Variants in AAGAB observed in about 807,000 individuals in gnomAD.
AAGAB encodes alpha- and gamma-adaptin-binding protein p34.
In AAGAB, 38 loss-of-function variants were observed where a neutral mutation model predicts 44.1. The ratio of observed to expected loss-of-function variants is 0.86; its 90% CI spans 0.67 to 1.13. AAGAB has a LOEUF of 1.13. Among genes scored for constraint, AAGAB ranks in the 50% most tolerant of loss-of-function variants. The pLI, the probability that AAGAB is intolerant of heterozygous loss-of-function variation, is 0.00. For missense variants in AAGAB, 450 were observed against 373.8 expected (o/e 1.20, Z -1.68); for synonymous variants, 131 against 131.8 (o/e 0.99, Z 0.04).
intron 1 of AAGAB, among the ~76,000 whole-genome samples, chr15:67,250,735 T>C (rs1964844699): frequency 6.6e-6 from 1 of 152,112 alleles, no homozygotes; most frequent in Admixed American, 6.5e-5. Context: ...CTTTAAAAAA[T>C]CTACCCTGTC....
At chr15:67,209,251 C>T (rs1056319038) in intron 6 of AAGAB, among the ~76,000 whole-genome samples, 3 of 152,186 alleles carry the variant, frequency 2.0e-5, no homozygotes, top group African/African-American at 7.2e-5. Flanking sequence ...TTTTAGAAAG[C>T]ACCCTAGTAA....
At chr15:67,229,473 C>A (rs1202583525) in intron 5 of AAGAB, among the ~76,000 whole-genome samples, 6 of 149,072 alleles carry the variant, frequency 4.0e-5, no homozygotes, top group Admixed American at 6.7e-5. Context: ...AAAAAAAAAC[C>A]CAAAAAAACT....
intron 1 of AAGAB, among the ~76,000 whole-genome samples, chr15:67,252,451 T>A (rs186826732): frequency 3.9e-5 from 6 of 152,316 alleles, no homozygotes; most frequent in East Asian, 1.9e-4. Flanking sequence ...ATTTAAAAAA[T>A]TTTTAAAAAC....
intron 3 of AAGAB, among the ~76,000 whole-genome samples, 160 bp from the exon 4 acceptor site, chr15:67,236,228 T>C (rs1272163466): frequency 6.6e-6 from 1 of 152,146 alleles, no homozygotes; most frequent in African/African-American, 2.4e-5. Context: ...AGCCCCGAAG[T>C]ATCCATTCTT....
At chr15:67,235,049 C>T (rs571626844) in intron 4 of AAGAB, among the ~76,000 whole-genome samples, 107 of 152,264 alleles carry the variant, frequency 7.0e-4, no homozygotes, top group African/African-American at 2.6e-3. Flanking sequence ...TATCTATGTA[C>T]TTTAATTCAC....
chr15:67,203,450 C>G (rs1318975539), intron 9 of AAGAB, 98 bp downstream of exon 9: 2 of 1,051,556 alleles, frequency 1.9e-6, no homozygotes, highest in East Asian at 2.6e-5. Context: ...AAAGCTCACA[C>G]TAAGACCCTT....
At chr15:67,237,925 T>C (rs968654622) in intron 1 of AAGAB, among the ~76,000 whole-genome samples, 4 of 152,228 alleles carry the variant, frequency 2.6e-5, no homozygotes, top group African/African-American at 9.6e-5. Context: ...ATTTGAAAAG[T>C]TGCCATCATT....
At chr15:67,228,474 C>T (rs890640006) in intron 5 of AAGAB, among the ~76,000 whole-genome samples, 2 of 152,150 alleles carry the variant, frequency 1.3e-5, no homozygotes, top group Admixed American at 6.5e-5. Flanking sequence ...CAGAAAATAA[C>T]GGATGTTGGT....
chr15:67,226,851 T>G, intron 5 of AAGAB: 1 of 198,278 alleles, frequency 5.0e-6, no homozygotes, highest in Non-Finnish European at 1.1e-5. Context: ...CCAATTTATC[T>G]GGGTGGAGGG....
intron 5 of AAGAB, among the ~76,000 whole-genome samples, chr15:67,219,606 A>G (rs1236646947): frequency 4.6e-5 from 7 of 152,154 alleles, no homozygotes; most frequent in Non-Finnish European, 1.0e-4. Context: ...GGAGCTAAAC[A>G]CTGAGTGCAC....
chr15:67,251,215 CGTGTGTGT>C (rs759231047), intron 1 of AAGAB, among the ~76,000 whole-genome samples: 3 of 143,538 alleles, frequency 2.1e-5, no homozygotes, highest in African/African-American at 7.5e-5. Context: ...ATTTTAAGTG[CGTGTGTGT>C]GTGTGTGTGT....
At position 67,236,737 on chromosome 15, in the gene AAGAB, AT is replaced by A. The variant is rs1964478494; in HGVS notation, c.156del (p.Lys52AsnfsTer58). On this transcript the variant is annotated frameshift_variant, in exon 2 of 10. Transcript: ENST00000261880. LOFTEE classifies it high-confidence loss of function. ...VRFYPWTIDN[K>X]YYSADINLCV... ...CATAGATTGATGTCTGCTGAATAGTATTTATTATCAATGGTCCAGGGATAAA... is the reference window on the plus strand; with the variant it reads ...CATAGATTGATGTCTGCTGAATAGTATTATTATCAATGGTCCAGGGATAAA... 6.2e-7 allele frequency: 1 copy of A among 1,613,308 alleles called. No individual in the cohort carries two copies. The highest frequency in any genetic ancestry group is 1.3e-5 in the African/African-American group (1 of 74,912).
chr15:67,210,046 T>A (rs762405782), intron 5 of AAGAB, among the ~76,000 whole-genome samples: 1 of 152,166 alleles, frequency 6.6e-6, no homozygotes, highest in Non-Finnish European at 1.5e-5. Flanking sequence ...AGGGCCATTA[T>A]GACAAACAAA....
chr15:67,230,916 T>C (rs1003200372), intron 5 of AAGAB, among the ~76,000 whole-genome samples: 5 of 152,204 alleles, frequency 3.3e-5, no homozygotes, highest in African/African-American at 1.2e-4. Flanking sequence ...CAACCCCTTA[T>C]TTAAAAATCT....
intron 1 of AAGAB, among the ~76,000 whole-genome samples, chr15:67,240,705 C>G (rs2140386627): frequency 6.6e-6 from 1 of 152,300 alleles, no homozygotes; most frequent in African/African-American, 2.4e-5. Flanking sequence ...TTCTCACATC[C>G]TTGGTCAACT....
chr15:67,212,782 T>TA (rs1251818205), intron 5 of AAGAB, among the ~76,000 whole-genome samples: 1 of 152,228 alleles, frequency 6.6e-6, no homozygotes, highest in Non-Finnish European at 1.5e-5. Context: ...CTATGGCTTT[T>TA]AAAAAAATTC....
intron 5 of AAGAB, among the ~76,000 whole-genome samples, chr15:67,228,182 G>C (rs1199235768): frequency 6.6e-6 from 1 of 152,164 alleles, no homozygotes; most frequent in Non-Finnish European, 1.5e-5. Context: ...TTTAATATAT[G>C]AACTTGGGAC....
intron 5 of AAGAB, among the ~76,000 whole-genome samples, chr15:67,229,136 A>G (rs1346201748): frequency 6.6e-6 from 1 of 152,116 alleles, no homozygotes; most frequent in African/African-American, 2.4e-5. Flanking sequence ...CCTTGAACCT[A>G]AAATAAAGGT....
chr15:67,248,706 C>T (rs1424354604), intron 1 of AAGAB, among the ~76,000 whole-genome samples: 1 of 152,194 alleles, frequency 6.6e-6, no homozygotes, highest in African/African-American at 2.4e-5. Flanking sequence ...CAGAAGAATG[C>T]ATGTTTTCCA....
Sources: allele counts gnomAD v4.1 joint callset (sites outside exome capture counted in the v4.1 genomes callset), GRCh38; gene constraint gnomAD v4.1.1; transcripts MANE v1.5; gene names NCBI Gene and HGNC (gene_info 2026-07-23, HGNC 2026-07-21).